PON3: variants seen among roughly 807,000 people sequenced by gnomAD.
The protein encoded by PON3 is serum paraoxonase/lactonase 3.
Under a neutral mutation model 36.3 loss-of-function variants are expected in PON3, and 37 were observed. The ratio of observed to expected loss-of-function variants is 1.02; its 90% CI spans 0.78 to 1.34. The LOEUF is 1.34. Ranked by LOEUF, PON3 falls within the 40% of genes most tolerant of loss-of-function variation. The pLI, the probability that PON3 is intolerant of heterozygous loss-of-function variation, is 0.00. For synonymous variants in PON3, 155 were observed against 154.8 expected (o/e 1.00, Z -0.01); for missense variants, 415 against 426.5 (o/e 0.97, Z 0.24).
intron 3 of PON3, among the ~76,000 whole-genome samples, chr7:95,378,395 T>C (rs1243292329): frequency 1.3e-5 from 2 of 152,046 alleles, no homozygotes; most frequent in Non-Finnish European, 2.9e-5. Context: ...ATTCAGGAAA[T>C]AAAGAGAACA....
chr7:95,372,919 C>T (rs1808841683), intron 3 of PON3, among the ~76,000 whole-genome samples: 1 of 152,156 alleles, frequency 6.6e-6, no homozygotes, highest in East Asian at 1.9e-4. Flanking sequence ...TCTGAAAATT[C>T]TGACATGAAT....
Position 95,362,508 on chromosome 7 carries a change from G to T in PON3, c.778-18C>A. On this transcript the variant is annotated intron_variant, in intron 7 of 8. Coordinates refer to ENST00000265627, the MANE Select transcript of PON3 (RefSeq NM_000940.3). ...TGTATCACCTTACAACAAAGAGGGA[G>T]TAGTGAAGACATTGTCTCAATGATT... 6.2e-7 allele frequency: 1 copy of T among 1,613,248 alleles called. No homozygotes were observed. Among genetic ancestry groups the T allele is most frequent in the African/African-American group, 1.3e-5 (1 of 75,036 alleles).
intron 8 of PON3, among the ~76,000 whole-genome samples, chr7:95,362,010 T>C (rs956544538): frequency 1.3e-5 from 2 of 152,130 alleles, no homozygotes; most frequent in Non-Finnish European, 2.9e-5. Context: ...TGTTGGACAG[T>C]GTGAAAGAAG....
Position 95,396,320 on chromosome 7 carries a change from C to T in PON3, c.31G>A (p.Gly11Arg). Residue 11 changes from glycine (G) to arginine (R), a missense_variant, in exon 1 of 9, where the codon GGG (glycine) becomes AGG (arginine). By Grantham distance (125) the Gly-to-Arg change is moderately radical (BLOSUM62 -2). Coordinates refer to ENST00000265627, the MANE Select transcript of PON3 (RefSeq NM_000940.3). MGKLVALVLL[G>R]VGLSLVGEMF... is the part of the protein sequence containing the mutation. ...TCCCCGACTAAGGACAGGCCGACCCCCAGCAGGACCAGCGCCACGAGCTTC... is the reference window on the plus strand; with the variant it reads ...TCCCCGACTAAGGACAGGCCGACCCTCAGCAGGACCAGCGCCACGAGCTTC... 3.1e-6 allele frequency: 5 copies of T among 1,614,064 alleles called. No homozygotes were observed. Among genetic ancestry groups the T allele is most frequent in the Non-Finnish European group, 4.2e-6 (5 of 1,179,986 alleles).
At position 95,394,695 on chromosome 7, in the gene PON3, G is replaced by A. The variant is rs147006695; in HGVS notation, c.94C>T (p.Arg32Ter). Residue 32 changes from arginine (R) to a stop codon, truncating the protein, a stop_gained, in exon 2 of 9, where the codon CGA becomes TGA. Coordinates refer to ENST00000265627, the MANE Select transcript of PON3 (RefSeq NM_000940.3). LOFTEE classifies it high-confidence loss of function. ...LAFRERVNASREVEPVEPENC... is the reference protein window; with the variant it reads ...LAFRERVNAS Reference sequence around the variant, plus strand: ...TCAGGTTCTACTGGCTCCACTTCTCGAGAGGCATTCACCCTTTCTCTGTAG... The same window carrying A: ...TCAGGTTCTACTGGCTCCACTTCTCAAGAGGCATTCACCCTTTCTCTGTAG... 2.1e-3 allele frequency: 3,430 copies of A among 1,614,020 alleles called. No homozygotes were observed. The highest frequency in any genetic ancestry group is 2.6e-3 in the Non-Finnish European group (3,093 of 1,179,942).
intron 2 of PON3, among the ~76,000 whole-genome samples, chr7:95,393,602 C>T (rs1232382455): frequency 1.3e-5 from 2 of 152,062 alleles, no homozygotes; most frequent in Admixed American, 1.3e-4. Flanking sequence ...CCATGTCTCA[C>T]GTAGAAGCAT....
chr7:95,360,150 T>A lies in PON3; in HGVS notation c.907-19A>T, dbSNP rs1160103416. 1.2e-6 allele frequency: 2 copies of A among 1,606,186 alleles called. No homozygotes were observed. The highest frequency in any genetic ancestry group is 1.7e-5 in the Admixed American group (1 of 59,978). ...GAAGTACCTGTCGAGAAAAGATCGTTTATTAGTATATTATGTGAGTAAACA... is the reference window on the plus strand; with the variant it reads ...GAAGTACCTGTCGAGAAAAGATCGTATATTAGTATATTATGTGAGTAAACA... On this transcript the variant is annotated intron_variant, in intron 8 of 8. Transcript: ENST00000265627.
chr7:95,362,112 G>A (rs889362394), intron 8 of PON3, among the ~76,000 whole-genome samples: 3 of 151,998 alleles, frequency 2.0e-5, no homozygotes, highest in Non-Finnish European at 2.9e-5. Flanking sequence ...TGGCAATCTG[G>A]GTCAATATGA....
intron 2 of PON3, among the ~76,000 whole-genome samples, chr7:95,392,805 T>C (rs1809346743): frequency 6.6e-6 from 1 of 152,248 alleles, no homozygotes; most frequent in African/African-American, 2.4e-5. Flanking sequence ...TGTAATGCAT[T>C]GACACAAGGT....
intron 1 of PON3, chr7:95,395,935 T>C: frequency 5.5e-6 from 2 of 361,930 alleles, no homozygotes; most frequent in Non-Finnish European, 1.1e-5. Context: ...GCGTTTCCAA[T>C]GGACGTCCTT....
At chr7:95,364,138 T>C in intron 5 of PON3, 75 bp from the exon 6 acceptor site, 1 of 1,150,858 alleles carries the variant, frequency 8.7e-7, no homozygotes. Flanking sequence ...AAATCACTCA[T>C]CTCTACATAG....
intron 3 of PON3, among the ~76,000 whole-genome samples, chr7:95,385,122 A>G (rs977795517): frequency 1.3e-5 from 2 of 152,120 alleles, no homozygotes; most frequent in African/African-American, 4.8e-5. Context: ...CAAACACTGC[A>G]TGTTCTCACT....
chr7:95,372,400 A>T (rs1433804489), intron 3 of PON3, 62 bp from the exon 4 acceptor site: 1 of 1,552,636 alleles, frequency 6.4e-7, no homozygotes, highest in African/African-American at 1.4e-5. Context: ...TTTCATAAGG[A>T]ATTTAAAATC....
At chr7:95,379,096 A>T (rs909215335) in intron 3 of PON3, among the ~76,000 whole-genome samples, 1 of 149,230 alleles carries the variant, frequency 6.7e-6, no homozygotes, top group Non-Finnish European at 1.5e-5. Flanking sequence ...AAAAAGCAGG[A>T]GTTGCAATCC....
intron 3 of PON3, among the ~76,000 whole-genome samples, chr7:95,380,746 G>C (rs1040078959): frequency 6.6e-6 from 1 of 152,186 alleles, no homozygotes; most frequent in Non-Finnish European, 1.5e-5. Context: ...TGAAAGTGAC[G>C]GGGAGAATGG....
intron 3 of PON3, among the ~76,000 whole-genome samples, chr7:95,388,809 A>T (rs543196812): frequency 1.4e-4 from 21 of 152,300 alleles, no homozygotes; most frequent in Admixed American, 1.2e-3. Context: ...TGAAACTGAA[A>T]ACTATAATTC....
At chr7:95,379,622 A>G (rs1257589524) in intron 3 of PON3, among the ~76,000 whole-genome samples, 1 of 152,204 alleles carries the variant, frequency 6.6e-6, no homozygotes, top group Admixed American at 6.5e-5. Context: ...CAGCAGTTTG[A>G]GATCGAACTG....
Position 95,367,439 on chromosome 7 carries a change from A to C in PON3, c.417T>G (p.Thr139=), listed in dbSNP as rs763816412. Residue 139 remains threonine, a synonymous_variant, in exon 5 of 9, where the codon ACT becomes ACG. Transcript: ENST00000265627. ...YVVNHPHMKS[T]VEIFKFEEQQ... ...GTTCCTCAAATTTAAATATCTCCAC[A>C]GTGGACTTCATGTGGGGATGATTCA... The C allele has an allele frequency of 6.2e-7, 1 of 1,612,980 alleles. No homozygotes were observed. The highest frequency in any genetic ancestry group is 1.1e-5 in the South Asian group (1 of 91,068).
At chr7:95,375,660 G>A (rs1012220622) in intron 3 of PON3, among the ~76,000 whole-genome samples, 4 of 152,190 alleles carry the variant, frequency 2.6e-5, no homozygotes, top group African/African-American at 4.8e-5. Flanking sequence ...AAAATAATCT[G>A]ATAGATAGAT....
Sources: allele counts gnomAD v4.1 joint callset (sites outside exome capture counted in the v4.1 genomes callset), GRCh38; gene constraint gnomAD v4.1.1; transcripts MANE v1.5; gene names NCBI Gene and HGNC (gene_info 2026-07-23, HGNC 2026-07-21).